KIAA1217: variants seen among roughly 807,000 people sequenced by gnomAD.
KIAA1217 encodes the protein sickle tail protein homolog.
A neutral mutation model predicts 163.9 loss-of-function variants in KIAA1217; 88 were observed. The ratio of observed to expected loss-of-function variants is 0.54; its 90% CI spans 0.45 to 0.64. The LOEUF is 0.64. KIAA1217 is among the 30% of genes least tolerant of loss of function. The probability of loss-of-function intolerance (pLI) is 0.00; values close to 1 mark genes in which losing one functional copy is unlikely to be tolerated. For missense variants in KIAA1217, 2,372 were observed against 2,475.0 expected (o/e 0.96, Z 0.88); for synonymous variants, 903 against 923.1 (o/e 0.98, Z 0.39).
At chr10:24,310,876 A>G (rs910414068) in intron 2 of KIAA1217, among the ~76,000 whole-genome samples, 6 of 152,178 alleles carry the variant, frequency 3.9e-5, no homozygotes, top group Non-Finnish European at 8.8e-5. Context: ...GCACACCTGT[A>G]GTCCTAGCTA....
chr10:23,974,846 A>T (rs953053843), intron 1 of KIAA1217, among the ~76,000 whole-genome samples: 2 of 151,686 alleles, frequency 1.3e-5, no homozygotes, highest in Non-Finnish European at 2.9e-5. Context: ...CCTACTTTAT[A>T]ATATGAAAGA....
At chr10:24,212,173 A>G (rs189073380) in intron 1 of KIAA1217, among the ~76,000 whole-genome samples, 9 of 152,310 alleles carry the variant, frequency 5.9e-5, no homozygotes, top group Admixed American at 2.0e-4. Flanking sequence ...AGCAATTGCT[A>G]AAGGATTCAA....
intron 1 of KIAA1217, among the ~76,000 whole-genome samples, chr10:23,962,156 T>C (rs558464025): frequency 2.6e-5 from 4 of 152,242 alleles, no homozygotes; most frequent in Non-Finnish European, 5.9e-5. Context: ...ATGGAATTAC[T>C]AGGCATTATT....
chr10:24,176,086 T>A (rs1589781213), intron 2 of KIAA1217, among the ~76,000 whole-genome samples: 1 of 152,344 alleles, frequency 6.6e-6, no homozygotes, highest in African/African-American at 2.4e-5. Context: ...TGGTCCATTT[T>A]ACAGAGAGCT....
At chr10:23,967,822 T>C (rs1291020178) in intron 1 of KIAA1217, among the ~76,000 whole-genome samples, 3 of 152,170 alleles carry the variant, frequency 2.0e-5, no homozygotes, top group South Asian at 2.1e-4. Context: ...ATATATAATT[T>C]GGTCCTCTAA....
chr10:24,223,480 T>G (rs557156903), intron 2 of KIAA1217, among the ~76,000 whole-genome samples: 114 of 152,252 alleles, frequency 7.5e-4, no homozygotes, highest in African/African-American at 2.7e-3. Flanking sequence ...AGGCTTCCTT[T>G]GCAGGAAGAT....
At chr10:23,931,376 C>T (rs12266163) in intron 1 of KIAA1217, among the ~76,000 whole-genome samples, 11,916 of 152,112 alleles carry the variant, frequency 0.078, 1,004 homozygotes, top group African/African-American at 0.21. Context: ...GTCCTCCACT[C>T]ACCTATGCCC....
At chr10:23,851,677 G>A (rs1398037765) in intron 1 of KIAA1217, among the ~76,000 whole-genome samples, 1 of 152,170 alleles carries the variant, frequency 6.6e-6, no homozygotes, top group Non-Finnish European at 1.5e-5. Flanking sequence ...AGCACCTGCT[G>A]TTTCCTGACT....
chr10:24,087,290 G>T (rs1026493861), intron 2 of KIAA1217, among the ~76,000 whole-genome samples: 1 of 152,150 alleles, frequency 6.6e-6, no homozygotes, highest in Non-Finnish European at 1.5e-5. Flanking sequence ...AGAATGGTCT[G>T]TTTTTAATAT....
At chr10:23,714,751 G>A (rs890523921) in intron 1 of KIAA1217, among the ~76,000 whole-genome samples, 3 of 152,120 alleles carry the variant, frequency 2.0e-5, no homozygotes, top group African/African-American at 7.2e-5. Flanking sequence ...AAAAGGAGCT[G>A]AGAAACCAAA....
intron 2 of KIAA1217, among the ~76,000 whole-genome samples, chr10:24,103,334 C>T (rs2062492092): frequency 6.6e-6 from 1 of 152,020 alleles, no homozygotes; most frequent in Non-Finnish European, 1.5e-5. Context: ...ACCTAGATGA[C>T]CTTAGATGTG....
chr10:23,996,391 T>C (rs1035841450), intron 1 of KIAA1217, among the ~76,000 whole-genome samples: 1 of 152,154 alleles, frequency 6.6e-6, no homozygotes, highest in African/African-American at 2.4e-5. Context: ...TTTCTCCATG[T>C]GGAAAGGGGA....
chr10:24,333,350 A>T (rs775649210), intron 2 of KIAA1217, among the ~76,000 whole-genome samples: 66 of 152,266 alleles, frequency 4.3e-4, no homozygotes, highest in Middle Eastern at 6.8e-3. Context: ...AAGGATTATG[A>T]TGATGAATGG....
intron 9 of KIAA1217, among the ~76,000 whole-genome samples, chr10:24,502,441 C>T (rs184027894): frequency 7.9e-5 from 12 of 152,170 alleles, no homozygotes; most frequent in Admixed American, 3.3e-4. Flanking sequence ...ATAAACTCTA[C>T]GGGAATCAGG....
intron 2 of KIAA1217, among the ~76,000 whole-genome samples, chr10:24,273,623 G>C (rs1408615670): frequency 2.0e-5 from 3 of 152,034 alleles, no homozygotes; most frequent in Non-Finnish European, 4.4e-5. Context: ...AGGCCAAGGT[G>C]GGTGGATCAC....
rs890848238 is a variant in KIAA1217, at chr10:24,317,938, G to A, written c.355-62931G>A. Among the ~76,000 whole-genome samples, 4 of 152,128 alleles carry A rather than the reference G, an allele frequency of 2.6e-5. No homozygotes were observed. The South Asian group carries it at 6.2e-4, about 24-fold the overall frequency. On this transcript the variant is annotated intron_variant, in intron 2 of 20. Transcript: ENST00000376454. ...TATGCATCAACGTGCGTAGGGCATGGGGCCTAGATATTTGGTCAAACCCCT... is the reference window on the plus strand; with the variant it reads ...TATGCATCAACGTGCGTAGGGCATGAGGCCTAGATATTTGGTCAAACCCCT...
intron 9 of KIAA1217, among the ~76,000 whole-genome samples, chr10:24,502,153 G>A (rs963686850): frequency 2.6e-5 from 4 of 151,134 alleles, no homozygotes; most frequent in African/African-American, 4.9e-5. Context: ...GGAGCATGCC[G>A]ACAGCCAGTG....
At chr10:23,843,044 C>T (rs941067108) in intron 1 of KIAA1217, among the ~76,000 whole-genome samples, 4 of 152,076 alleles carry the variant, frequency 2.6e-5, no homozygotes, top group Non-Finnish European at 5.9e-5. Flanking sequence ...TATGTGAAAC[C>T]ACTTAGGGTT....
intron 2 of KIAA1217, among the ~76,000 whole-genome samples, chr10:24,035,997 T>A (rs1010518917): frequency 1.3e-5 from 2 of 152,124 alleles, no homozygotes; most frequent in Non-Finnish European, 2.9e-5. Flanking sequence ...AAAACAGAAG[T>A]GCGCATTACC....
Sources: gnomAD v4.1 joint callset for allele counts (sites outside exome capture counted in the v4.1 genomes callset) on GRCh38, gnomAD v4.1.1 for gene constraint, MANE v1.5 for transcripts, NCBI Gene and HGNC (gene_info 2026-07-23, HGNC 2026-07-21) for gene names.